Variants in ZNF3 observed in about 807,000 individuals in gnomAD.
ZNF3 encodes the protein zinc finger protein 3.
In ZNF3, 16 loss-of-function variants were observed where a neutral mutation model predicts 36.9. That is an observed-to-expected ratio of 0.43 (90% CI 0.29 to 0.66). The LOEUF is 0.66. ZNF3 is among the 30% of genes least tolerant of loss of function. ZNF3 has a pLI of 0.13. For missense variants in ZNF3, 462 were observed against 543.1 expected (o/e 0.85, Z 1.48); for synonymous variants, 201 against 201.9 (o/e 1.00, Z 0.04).
downstream of ZNF3, chr7:100,065,037 G>C: frequency 8.2e-7 from 1 of 1,221,080 alleles, no homozygotes; most frequent in Non-Finnish European, 1.1e-6. Flanking sequence ...ATAACATCTT[G>C]TAATGCCTCA....
At chr7:100,065,893 A>AAGTTTTAGATCCGTGTCAG (rs1562853797), downstream of ZNF3, among the ~76,000 whole-genome samples, 17 of 144,400 alleles carry the variant, frequency 1.2e-4, no homozygotes, top group East Asian at 3.4e-3. Flanking sequence ...CTGGAGGGCA[A>AAGTTTTAGATCCGTGTCAG]TGGTAAGTTT....
intron 2 of ZNF3, chr7:100,079,195 G>C (rs181712849): frequency 2.6e-5 from 4 of 152,122 alleles, no homozygotes; most frequent in African/African-American, 9.7e-5. Flanking sequence ...TACAATCTCC[G>C]GAGCTATTTA....
downstream of ZNF3, among the ~76,000 whole-genome samples, chr7:100,066,338 G>C (rs1287629314): frequency 1.3e-5 from 2 of 152,200 alleles, no homozygotes; most frequent in Non-Finnish European, 2.9e-5. Flanking sequence ...CACTTTGGGA[G>C]GCTGATGCAG....
chr7:100,073,106 A>T (rs1793479560), intron 5 of ZNF3, among the ~76,000 whole-genome samples: 1 of 152,118 alleles, frequency 6.6e-6, no homozygotes, highest in African/African-American at 2.4e-5. Context: ...GGATTCAGAA[A>T]TGGGAATTCT....
downstream of ZNF3, among the ~76,000 whole-genome samples, chr7:100,067,792 A>G (rs934896023): frequency 1.3e-5 from 2 of 152,172 alleles, no homozygotes; most frequent in African/African-American, 4.8e-5. Flanking sequence ...ATCACTTGCA[A>G]ATCCCATCTC....
Position 100,077,327 on chromosome 7 carries a change from C to T in ZNF3, c.31G>A (p.Glu11Lys), listed in dbSNP as rs1177823372. METQADLVSQ[E>K]PQALLDSALP... ...CCACTGTCAAGCAGGGCCTGAGGTT[C>T]CTGAGATACGAGATCAGCCTGAGTT... The change falls in exon 3 of 6, where the codon GAA becomes AAA. Residue 11 changes from glutamate to lysine, a missense_variant. Transcript: ENST00000299667. 1 of 1,613,784 alleles carries T rather than the reference C, an allele frequency of 6.2e-7. No homozygotes were observed. The highest frequency in any genetic ancestry group is 1.7e-5 in the Admixed American group (1 of 59,944).
At chr7:100,064,461 G>A (rs1792527164) in exon 6 of ZNF3, 1 of 1,613,852 alleles carries the variant, frequency 6.2e-7, no homozygotes, top group Non-Finnish European at 8.5e-7. Context: ...AGGAGTGTGG[G>A]AAAGCCTTCA....
In ZNF3 at chr7:100,077,414, TAAAAG is replaced by T. The variant is rs1445424605; in HGVS notation, c.-62_-58del. On this transcript the variant is annotated 5_prime_UTR_variant, in exon 3 of 6. Coordinates refer to ENST00000299667, the MANE Select transcript of ZNF3 (RefSeq NM_032924.5). ...TGCAGACTCAGCGGGAAGCGGGTTT[TAAAAG>T]AGAATGAGGAAGCACTGCAGAAGCA... The T allele has an allele frequency of 6.2e-7, 1 of 1,612,850 alleles. No individual in the cohort carries two copies. The highest frequency in any genetic ancestry group is 8.5e-7 in the Non-Finnish European group (1 of 1,179,522).
In ZNF3 at chr7:100,069,976, T is replaced by C; in HGVS notation, c.*1167A>G. 3.0e-6 allele frequency: 3 copies of C among 985,866 alleles called. No individual in the cohort carries two copies. The highest frequency in any genetic ancestry group is 3.6e-6 in the Non-Finnish European group (3 of 829,954). 61.1% of individuals were successfully genotyped at this position (985,866 alleles called of 1,614,324 possible). A position where few individuals can be genotyped will look rare whatever the true frequency, so the allele number is the denominator to read the frequency against. ...TTGCACAAAACCACACTCAATCTCT[T>C]CTGAAAAACTATTCTGTTTAATAGT... is the stretch of plus-strand genomic sequence containing the variant. On this transcript the variant is annotated 3_prime_UTR_variant, in exon 6 of 6. Coordinates refer to ENST00000299667, the MANE Select transcript of ZNF3 (RefSeq NM_032924.5).
downstream of ZNF3, among the ~76,000 whole-genome samples, chr7:100,067,266 G>C (rs1484111386): frequency 6.6e-6 from 1 of 152,134 alleles, no homozygotes; most frequent in African/African-American, 2.4e-5. Context: ...TTGTCTGAGT[G>C]AACGGGAAGC....
Position 100,070,981 on chromosome 7 carries a change from G to T in ZNF3, c.*162C>A. ...CTTGCCTTGACGCTTTCTAAGGCTG[G>T]TGTGATTTCTGGGAAAATTCAACGA... On this transcript the variant is annotated 3_prime_UTR_variant, in exon 6 of 6. Transcript: ENST00000299667. 2.8e-6 allele frequency: 4 copies of T among 1,443,544 alleles called. No homozygotes were observed. Among genetic ancestry groups the T allele is most frequent in the Non-Finnish European group, 3.6e-6 (4 of 1,104,418 alleles). 89.4% of individuals were successfully genotyped at this position (1,443,544 alleles called of 1,614,324 possible). A position where few individuals can be genotyped will look rare whatever the true frequency, so the allele number is the denominator to read the frequency against.
At chr7:100,077,264 A>G (rs1794277790) in intron 3 of ZNF3, 39 bp downstream of exon 3, 1 of 1,613,380 alleles carries the variant, frequency 6.2e-7, no homozygotes, top group Non-Finnish European at 8.5e-7. Context: ...TGATTGCAGA[A>G]TGACTGAGTA....
chr7:100,070,967 G>A lies in ZNF3; in HGVS notation c.*176C>T, dbSNP rs930112089. 36 of 1,409,122 alleles carry A rather than the reference G, an allele frequency of 2.6e-5. No individual in the cohort carries two copies. The highest frequency in any genetic ancestry group is 2.2e-5 in the Non-Finnish European group (24 of 1,087,472). 87.3% of individuals were successfully genotyped at this position (1,409,122 alleles called of 1,614,324 possible). On this transcript the variant is annotated 3_prime_UTR_variant, in exon 6 of 6. Coordinates refer to ENST00000299667, the MANE Select transcript of ZNF3 (RefSeq NM_032924.5). Reference sequence around the variant, plus strand: ...CAGCACGCCATCCACTTGCCTTGACGCTTTCTAAGGCTGGTGTGATTTCTG... The same window carrying A: ...CAGCACGCCATCCACTTGCCTTGACACTTTCTAAGGCTGGTGTGATTTCTG...
chr7:100,066,750 A>G (rs1394243627), downstream of ZNF3, among the ~76,000 whole-genome samples: 2 of 146,890 alleles, frequency 1.4e-5, no homozygotes, highest in Admixed American at 1.4e-4. Context: ...CAATAAATAA[A>G]TAGGCCGGGT....
intron 5 of ZNF3, among the ~76,000 whole-genome samples, chr7:100,073,419 G>A (rs976896659): frequency 2.6e-5 from 4 of 152,070 alleles, no homozygotes; most frequent in Non-Finnish European, 4.4e-5. Context: ...CGTGTTCTTG[G>A]CTAACTGCAA....
exon 6 of ZNF3, chr7:100,064,051 T>C: frequency 6.2e-7 from 1 of 1,614,106 alleles, no homozygotes; most frequent in Non-Finnish European, 8.5e-7. Context: ...TGGCAAAGCC[T>C]TTAGTAATAG....
chr7:100,078,340 C>A (rs1293961615), intron 2 of ZNF3, among the ~76,000 whole-genome samples: 1 of 151,024 alleles, frequency 6.6e-6, no homozygotes, highest in Non-Finnish European at 1.5e-5. Context: ...ACTAAAAATA[C>A]AAAAAATTAG....
downstream of ZNF3, among the ~76,000 whole-genome samples, chr7:100,067,475 G>A (rs1334761896): frequency 6.6e-6 from 1 of 151,956 alleles, no homozygotes; most frequent in African/African-American, 2.4e-5. Context: ...TCATTATATT[G>A]CCTAGGCTAG....
At position 100,071,737 on chromosome 7, in the gene ZNF3, G is replaced by T. The variant is rs750640497; in HGVS notation, c.747C>A (p.Ile249=). Residue 249 remains isoleucine, a synonymous_variant, in exon 6 of 6, where the codon ATC becomes ATA. Transcript: ENST00000299667. ...ATTCATAAGGTTTTTCCCCAGTGTGGATTCTCTGATGCTGAATAAGGTGTG... is the reference window on the plus strand; with the variant it reads ...ATTCATAAGGTTTTTCCCCAGTGTGTATTCTCTGATGCTGAATAAGGTGTG... ...QSSHLIQHQR[I]HTGEKPYECS... The T allele has an allele frequency of 6.8e-6, 11 of 1,613,944 alleles. No homozygotes were observed. The Middle Eastern group carries it at 5.0e-4, about 73-fold the overall frequency.
Sources: allele counts gnomAD v4.1 joint callset (sites outside exome capture counted in the v4.1 genomes callset), GRCh38; gene constraint gnomAD v4.1.1; transcripts MANE v1.5; gene names NCBI Gene and HGNC (gene_info 2026-07-23, HGNC 2026-07-21).